Variants in TMEM178B observed in about 807,000 individuals in gnomAD.
TMEM178B encodes the protein transmembrane protein 178B.
A neutral mutation model predicts 31.0 loss-of-function variants in TMEM178B; 5 were observed. The ratio of observed to expected loss-of-function variants is 0.16; its 90% CI spans 0.08 to 0.34. TMEM178B has a LOEUF of 0.34. Among genes scored for constraint, TMEM178B ranks in the 10% least tolerant of loss-of-function variants. The probability of loss-of-function intolerance (pLI) is 1.00; values close to 1 mark genes in which losing one functional copy is unlikely to be tolerated. For missense variants in TMEM178B, 275 were observed against 400.3 expected, an observed-to-expected ratio of 0.69 and a Z score of 2.67; for synonymous variants, 164 against 164.0, an observed-to-expected ratio of 1.00 and a Z score of 0.00.
chr7:141,341,161 GA>G (rs1799509636), intron 2 of TMEM178B, among the ~76,000 whole-genome samples: 1 of 152,200 alleles, frequency 6.6e-6, no homozygotes, highest in Non-Finnish European at 1.5e-5. Flanking sequence ...ACAAGCTGGA[GA>G]GAGGGATGCA....
intron 2 of TMEM178B, among the ~76,000 whole-genome samples, chr7:141,307,689 G>T (rs1435090487): frequency 6.6e-6 from 1 of 152,228 alleles, no homozygotes; most frequent in Non-Finnish European, 1.5e-5. Context: ...GGATAAATAG[G>T]AAGTAAGAAA....
intron 1 of TMEM178B, among the ~76,000 whole-genome samples, chr7:141,191,880 A>G (rs1284524432): frequency 6.6e-6 from 1 of 152,138 alleles, no homozygotes; most frequent in Non-Finnish European, 1.5e-5. Context: ...ATTTTGGGTT[A>G]TAGTTACAAA....
chr7:141,280,874 T>C (rs987414273), intron 2 of TMEM178B, among the ~76,000 whole-genome samples: 1 of 152,194 alleles, frequency 6.6e-6, no homozygotes, highest in African/African-American at 2.4e-5. Context: ...CTCTTTCTTG[T>C]TTTTTCCTGT....
intron 1 of TMEM178B, among the ~76,000 whole-genome samples, chr7:141,126,130 A>G (rs1259208920): frequency 6.6e-6 from 1 of 151,938 alleles, no homozygotes; most frequent in African/African-American, 2.4e-5. Flanking sequence ...GTTCGGAGAA[A>G]GGAGAGGACG....
chr7:141,462,431 G>C (rs1802075564), intron 3 of TMEM178B, among the ~76,000 whole-genome samples: 1 of 152,018 alleles, frequency 6.6e-6, no homozygotes, highest in African/African-American at 2.4e-5. Flanking sequence ...GGGAGTTCAA[G>C]TCAGAGGAGG....
At chr7:141,255,590 A>G (rs914021341) in intron 2 of TMEM178B, among the ~76,000 whole-genome samples, 1 of 152,148 alleles carries the variant, frequency 6.6e-6, no homozygotes, top group Non-Finnish European at 1.5e-5. Flanking sequence ...CAATCTCAAA[A>G]TAGAGTTATA....
chr7:141,341,986 C>G (rs1799523764), intron 2 of TMEM178B, among the ~76,000 whole-genome samples: 2 of 152,174 alleles, frequency 1.3e-5, no homozygotes, highest in African/African-American at 4.8e-5. Context: ...CTCATTCTGT[C>G]ACTCAGGCCG....
intron 1 of TMEM178B, among the ~76,000 whole-genome samples, chr7:141,151,562 G>A (rs1795973608): frequency 6.6e-6 from 1 of 152,158 alleles, no homozygotes; most frequent in Non-Finnish European, 1.5e-5. Context: ...CCTGTGGTCA[G>A]ACGGAGTCCC....
At chr7:141,316,797 C>T (rs1219625931) in intron 2 of TMEM178B, among the ~76,000 whole-genome samples, 1 of 152,194 alleles carries the variant, frequency 6.6e-6, no homozygotes, top group Non-Finnish European at 1.5e-5. Context: ...TGGACATTTT[C>T]CTTGTCTTAA....
At chr7:141,502,819 C>A in the TMEM178B span, among the ~76,000 whole-genome samples, 1 of 151,812 alleles carries the variant, frequency 6.6e-6, no homozygotes, top group Non-Finnish European at 1.5e-5. Flanking sequence ...ACTGGCACAA[C>A]ATAAATGGTA....
chr7:141,168,113 G>A (rs1586806069), intron 1 of TMEM178B, among the ~76,000 whole-genome samples: 1 of 152,140 alleles, frequency 6.6e-6, no homozygotes, highest in Admixed American at 6.5e-5. Flanking sequence ...GGCAGAGACC[G>A]GGAATCTGAG....
the TMEM178B span, among the ~76,000 whole-genome samples, chr7:141,505,295 A>G: frequency 6.6e-6 from 1 of 152,242 alleles, no homozygotes; most frequent in Non-Finnish European, 1.5e-5. Flanking sequence ...TGTAAGCCCA[A>G]CCTCTGGTCA....
At chr7:141,190,802 A>G (rs1432432387) in intron 1 of TMEM178B, among the ~76,000 whole-genome samples, 5 of 152,190 alleles carry the variant, frequency 3.3e-5, no homozygotes, top group African/African-American at 7.2e-5. Flanking sequence ...GCAAACTCCC[A>G]AGTATCCTTC....
Position 141,408,695 on chromosome 7 carries a change from G to A in TMEM178B, c.497-28913G>A, listed in dbSNP as rs551566006. 9.2e-5 allele frequency among the ~76,000 whole-genome samples: 14 copies of A among 152,330 alleles called. 1 individual carries two copies. In the South Asian group the frequency reaches 1.0e-3, roughly 11 times the overall value. The stretch of plus-strand genomic sequence containing the variant: ...GTGTAAAGAACACCTTTACAACACC[G>A]TGTGGAAAGAACTAGAATAGAGATA... On this transcript the variant is annotated intron_variant, in intron 2 of 3. Transcript: ENST00000565468.
At chr7:141,083,915 C>G (rs1346632403) in intron 1 of TMEM178B, among the ~76,000 whole-genome samples, 2 of 150,306 alleles carry the variant, frequency 1.3e-5, no homozygotes, top group African/African-American at 4.9e-5. Flanking sequence ...GAGTCTCGCT[C>G]TTGTTGCCCA....
chr7:141,329,113 A>T (rs2116487328), intron 2 of TMEM178B, among the ~76,000 whole-genome samples: 1 of 152,268 alleles, frequency 6.6e-6, no homozygotes, highest in African/African-American at 2.4e-5. Flanking sequence ...TGAGGCATTG[A>T]TTCTGGATAT....
chr7:141,081,045 T>A (rs1794674046), intron 1 of TMEM178B, among the ~76,000 whole-genome samples: 1 of 152,202 alleles, frequency 6.6e-6, no homozygotes, highest in African/African-American at 2.4e-5. Context: ...TTTTAGAGTG[T>A]ACTCCTTCTG....
At position 141,422,775 on chromosome 7, in the gene TMEM178B, G is replaced by T. The variant is rs1324809241; in HGVS notation, c.497-14833G>T. ...GAGTGGGGAAGCTCCCATGGGGAGA[G>T]AATAGAAATGCAAGAAACTGTCACT... On this transcript the variant is annotated intron_variant, in intron 2 of 3. Transcript: ENST00000565468. The surrounding 1 kb of genome is among the most constrained non-coding windows in gnomAD (Gnocchi z 4.2). 2.0e-5 allele frequency among the ~76,000 whole-genome samples: 3 copies of T among 152,148 alleles called. No homozygotes were observed. The highest frequency in any genetic ancestry group is 7.2e-5 in the African/African-American group (3 of 41,420).
At chr7:141,485,289 C>A (rs78833263), downstream of TMEM178B, among the ~76,000 whole-genome samples, 24 of 152,340 alleles carry the variant, frequency 1.6e-4, no homozygotes, top group East Asian at 4.2e-3. Context: ...GCAAAGATTT[C>A]ATTCATGACA....
Sources: allele counts gnomAD v4.1 joint callset (sites outside exome capture counted in the v4.1 genomes callset), GRCh38; gene constraint gnomAD v4.1.1; non-coding constraint Gnocchi (gnomAD v3.1); transcripts MANE v1.5; gene names NCBI Gene and HGNC (gene_info 2026-07-23, HGNC 2026-07-21).